CECR2: variants seen among roughly 807,000 people sequenced by gnomAD.
CECR2 encodes CECR2 histone acetyl-lysine reader.
In CECR2, 30 loss-of-function variants were observed where a neutral mutation model predicts 154.5. The ratio of observed to expected loss-of-function variants is 0.19; its 90% CI spans 0.15 to 0.26. The LOEUF is 0.26. CECR2 is among the 10% of genes least tolerant of loss of function. The pLI, the probability that CECR2 is intolerant of heterozygous loss-of-function variation, is 1.00. For synonymous variants in CECR2, 725 were observed against 683.7 expected, an observed-to-expected ratio of 1.06 and a Z score of -0.94; for missense variants, 1,743 against 1,829.3, an observed-to-expected ratio of 0.95 and a Z score of 0.86.
intron 1 of CECR2, among the ~76,000 whole-genome samples, chr22:17,473,403 C>G (rs192615533): frequency 8.5e-5 from 13 of 152,288 alleles, no homozygotes; most frequent in African/African-American, 3.1e-4. Context: ...TTGCCTTAGT[C>G]TAAGACTTAA....
rs200102476 is a variant in CECR2 at position 17,524,387 on chromosome 22, CTTTTTTT to C, written c.1108+133_1108+139del. 7.9e-4 allele frequency: 310 copies of C among 392,198 alleles called. 3 individuals carry two copies. Among genetic ancestry groups the C allele is most frequent in the Non-Finnish European group, 1.0e-3 (265 of 256,232 alleles). 24.3% of individuals were successfully genotyped at this position (392,198 alleles called of 1,614,324 possible). A position where few individuals can be genotyped will look rare whatever the true frequency, so the allele number is the denominator to read the frequency against. ...GCATCCAAGTTGTTTCCGGCAATTT[CTTTTTTT>C]TTTTTTTTTTTTTTTTGAGACGGAG... On this transcript the variant is annotated intron_variant, in intron 9 of 18. Transcript: ENST00000262608.
chr22:17,476,516 C>T (rs1361391997), intron 1 of CECR2, among the ~76,000 whole-genome samples: 1 of 152,054 alleles, frequency 6.6e-6, no homozygotes, highest in Non-Finnish European at 1.5e-5. Context: ...CCATGCCTGG[C>T]CAGAGCCGTA....
At chr22:17,547,379 G>T (rs1031642994) in intron 16 of CECR2, among the ~76,000 whole-genome samples, 4 of 151,974 alleles carry the variant, frequency 2.6e-5, no homozygotes, top group Admixed American at 6.6e-5. Flanking sequence ...GCAGGTGCCG[G>T]CCACCACACC....
At position 17,404,646 on chromosome 22, in the gene CECR2, T is replaced by G. The variant is rs967950070; in HGVS notation, c.126+34737T>G. ...CCTCGGCCTCCCAAAGTGCTGGGAT[T>G]ACAGGCGTGAACCACCGCGCCTGGC... On this transcript the variant is annotated intron_variant, in intron 1 of 18. Transcript: ENST00000262608. Among the ~76,000 whole-genome samples the G allele has an allele frequency of 1.1e-4, 15 of 131,238 alleles. No individual in the cohort carries two copies. In the South Asian group the frequency reaches 1.7e-3, roughly 15 times the overall value. The allele number at this position is 131,238 out of a possible 152,430, so 86.1% of individuals were successfully genotyped here.
At chr22:17,518,837 G>A (rs2056106278) in intron 8 of CECR2, 1 of 275,074 alleles carries the variant, frequency 3.6e-6, no homozygotes, top group African/African-American at 2.3e-5. Context: ...GCTACTGAGA[G>A]CTGATGTAGG....
At chr22:17,504,004 G>T (rs1027488718) in intron 6 of CECR2, among the ~76,000 whole-genome samples, 1 of 151,282 alleles carries the variant, frequency 6.6e-6, no homozygotes, top group African/African-American at 2.4e-5. Flanking sequence ...CTGAGATGGT[G>T]CCCCTGAACT....
chr22:17,541,790 G>A (rs1363753084), intron 14 of CECR2, 49 bp from the exon 15 acceptor site: 1 of 1,568,358 alleles, frequency 6.4e-7, no homozygotes, highest in Non-Finnish European at 8.7e-7. Context: ...TCAACCTAAA[G>A]TCTGTGCCTT....
rs189634313 is a variant in CECR2 at position 17,537,256 on chromosome 22, A to G, written c.1238+24A>G. 5.6e-6 allele frequency: 9 copies of G among 1,611,346 alleles called. No homozygotes were observed. The East Asian group carries it at 1.1e-4, about 20-fold the overall frequency. On this transcript the variant is annotated intron_variant, in intron 10 of 18. Coordinates refer to ENST00000262608, the MANE Select transcript of CECR2 (RefSeq NM_001290047.2). ...CTGTGAGTATTTAGTAACAACAACA[A>G]CAGCAGTAGCAACTGGTAGCATTTA...
intron 17 of CECR2, 41 bp from the exon 18 acceptor site, chr22:17,551,990 G>A (rs372525132): frequency 8.9e-6 from 14 of 1,580,078 alleles, no homozygotes; most frequent in African/African-American, 6.7e-5. Context: ...TCGTTAACAC[G>A]TCTTCATTAA....
At chr22:17,447,170 G>C (rs1238368691) in intron 1 of CECR2, among the ~76,000 whole-genome samples, 2 of 151,406 alleles carry the variant, frequency 1.3e-5, no homozygotes, top group Non-Finnish European at 2.9e-5. Flanking sequence ...GAGTAGCTGG[G>C]ACTACAGGTG....
At chr22:17,443,200 A>G (rs1418517956) in intron 1 of CECR2, among the ~76,000 whole-genome samples, 2 of 152,192 alleles carry the variant, frequency 1.3e-5, no homozygotes, top group Non-Finnish European at 2.9e-5. Context: ...ATGCCCAGGA[A>G]AGCAAGGCAG....
At chr22:17,512,494 C>T (rs998036830) in intron 8 of CECR2, among the ~76,000 whole-genome samples, 5 of 151,858 alleles carry the variant, frequency 3.3e-5, no homozygotes, top group Non-Finnish European at 5.9e-5. Context: ...CTTGTACTCA[C>T]GAGTTCAAGA....
At chr22:17,434,215 T>C (rs1335074221) in intron 1 of CECR2, among the ~76,000 whole-genome samples, 2 of 152,218 alleles carry the variant, frequency 1.3e-5, no homozygotes, top group African/African-American at 2.4e-5. Flanking sequence ...TGACTATTGT[T>C]CTGTCAAGGT....
chr22:17,548,873 C>G lies in CECR2; in HGVS notation c.3586C>G (p.His1196Asp). Residue 1196 changes from histidine to aspartate, a missense_variant, in exon 17 of 19, where the codon CAC (histidine) becomes GAC (aspartate). This residue lies in a region of CECR2 where 1,250 missense variants were observed against 1,192.1 expected (regional missense o/e 1.05). Coordinates refer to ENST00000262608, the MANE Select transcript of CECR2 (RefSeq NM_001290047.2). ...YHPPPQPSYHHYQRTPYYACP... is the reference protein window; with the variant it reads ...YHPPPQPSYHDYQRTPYYACP... ...CCCACCGCCACAGCCTTCCTACCAC[C>G]ACTATCAGCGAACTCCTTACTATGC... 1 of 1,613,272 alleles carries G rather than the reference C, an allele frequency of 6.2e-7. No individual in the cohort carries two copies. Among genetic ancestry groups the G allele is most frequent in the African/African-American group, 1.3e-5 (1 of 75,012 alleles).
At chr22:17,547,806 C>A (rs758970657) in intron 16 of CECR2, among the ~76,000 whole-genome samples, 1 of 152,154 alleles carries the variant, frequency 6.6e-6, no homozygotes, top group Non-Finnish European at 1.5e-5. Context: ...CCATCCCCTC[C>A]CAGTGTGTTT....
At position 17,381,072 on chromosome 22, in the gene CECR2, G is replaced by T. The variant is rs568966167; in HGVS notation, c.126+11163G>T. On this transcript the variant is annotated intron_variant, in intron 1 of 18. Coordinates refer to ENST00000262608, the MANE Select transcript of CECR2 (RefSeq NM_001290047.2). ...TTATAGCAGAGGCCTGGAGTTCTTT[G>T]TTCAGGGAACATTGTTGTACACGGG... Among the ~76,000 whole-genome samples the T allele has an allele frequency of 3.7e-5, 4 of 109,124 alleles. No homozygotes were observed. In the East Asian group the frequency reaches 1.2e-3, roughly 34 times the overall value. 71.6% of individuals were successfully genotyped at this position (109,124 alleles called of 152,430 possible). A position where few individuals can be genotyped will look rare whatever the true frequency, so the allele number is the denominator to read the frequency against.
intron 7 of CECR2, among the ~76,000 whole-genome samples, chr22:17,506,853 G>A (rs949654317): frequency 2.0e-5 from 3 of 151,974 alleles, no homozygotes; most frequent in Non-Finnish European, 4.4e-5. Context: ...ATGGGGTTTC[G>A]CTGTGTTGGC....
intron 1 of CECR2, among the ~76,000 whole-genome samples, chr22:17,465,676 G>T (rs1029065457): frequency 2.0e-5 from 3 of 151,964 alleles, no homozygotes; most frequent in Non-Finnish European, 4.4e-5. Flanking sequence ...GTAGAGACGG[G>T]GTTTCACCGT....
intron 1 of CECR2, among the ~76,000 whole-genome samples, chr22:17,392,933 G>A (rs569544114): frequency 1.6e-3 from 236 of 151,944 alleles, no homozygotes; most frequent in African/African-American, 5.5e-3. Context: ...CCAGCTACTC[G>A]TGAGGCTGAG....
Sources: allele counts gnomAD v4.1 joint callset (sites outside exome capture counted in the v4.1 genomes callset), GRCh38; gene constraint gnomAD v4.1.1; regional missense constraint gnomAD v4.1.1; transcripts MANE v1.5; gene names NCBI Gene and HGNC (gene_info 2026-07-23, HGNC 2026-07-21).